The following MPHOSPH8 variants were observed in gnomAD, a reference collection of about 807,000 sequenced individuals.
MPHOSPH8 encodes M-phase phosphoprotein, mpp.
MPHOSPH8 carries 45 observed loss-of-function variants against 87.3 expected under a neutral mutation model. That is an observed-to-expected ratio of 0.52 (90% confidence interval 0.41 to 0.66). The LOEUF (loss-of-function observed/expected upper bound fraction) is 0.66, where lower values mean the gene tolerates loss of function less well. Among genes scored for constraint, MPHOSPH8 ranks in the 30% least tolerant of loss-of-function variants. The probability of loss-of-function intolerance (pLI) is 0.00; values close to 1 mark genes in which losing one functional copy is unlikely to be tolerated. For synonymous variants in MPHOSPH8, 366 were observed against 376.9 expected, an observed-to-expected ratio of 0.97 and a Z score of 0.33; for missense variants, 883 against 1,020.2, an observed-to-expected ratio of 0.87 and a Z score of 1.83.
chr13:19,663,637 A>T (rs1284892408), intron 9 of MPHOSPH8, among the ~76,000 whole-genome samples: 1 of 152,116 alleles, frequency 6.6e-6, no homozygotes, highest in Non-Finnish European at 1.5e-5. Flanking sequence ...TTTTGAGAGA[A>T]AGGTCAGCAG....
At chr13:19,653,446 C>A (rs1874970030) in intron 5 of MPHOSPH8, among the ~76,000 whole-genome samples, 1 of 152,178 alleles carries the variant, frequency 6.6e-6, no homozygotes, top group Admixed American at 6.5e-5. Context: ...TAGATAACTC[C>A]ACAAAGATGG....
chr13:19,671,323 C>T (rs773472999), intron 13 of MPHOSPH8, 34 bp downstream of exon 13: 5 of 1,559,474 alleles, frequency 3.2e-6, no homozygotes, highest in Admixed American at 3.4e-5. Context: ...AGTGTCACTA[C>T]TCAAGTTGTT....
chr13:19,664,027 G>C (rs1057390029), intron 9 of MPHOSPH8, among the ~76,000 whole-genome samples: 1 of 152,050 alleles, frequency 6.6e-6, no homozygotes, highest in Non-Finnish European at 1.5e-5. Flanking sequence ...TCTGTCGCCC[G>C]GGCTGGAGTG....
At position 19,670,350 on chromosome 13, in the gene MPHOSPH8, T is replaced by G. The variant is rs777138474; in HGVS notation, c.2444T>G (p.Leu815Arg). 1 of 1,614,076 alleles carries G rather than the reference T, an allele frequency of 6.2e-7. No homozygotes were observed. The highest frequency in any genetic ancestry group is 8.5e-7 in the Non-Finnish European group (1 of 1,179,934). ...GTAGTTCTGAATGATAAATTTCAGC[T>G]TCCTGTTTTTCTGGTAAGATACTCT... ...QAVVLNDKFQ[L>R]PVFLDSHFVY... is the part of the protein sequence containing the mutation. The change falls in exon 12 of 14, where the codon CTT (leucine) becomes CGT (arginine). Residue 815 changes from leucine (L) to arginine (R), a missense_variant. This residue lies in a region of MPHOSPH8 where 741 missense variants were observed against 841.5 expected (regional missense o/e 0.88). Transcript: ENST00000361479.
rs557975926 is a variant in MPHOSPH8, at chr13:19,646,990, T to C, written c.917T>C (p.Leu306Pro). The change falls in exon 3 of 14, where the codon CTG becomes CCG. Residue 306 changes from leucine to proline, a missense_variant. Leu to Pro is a moderately conservative substitution (Grantham distance 98). This residue lies in a region of MPHOSPH8 where 741 missense variants were observed against 841.5 expected (regional missense o/e 0.88). Coordinates refer to ENST00000361479, the MANE Select transcript of MPHOSPH8 (RefSeq NM_017520.4). ...ARERAGQDMG[L>P]EHGFEKPLDS... ...GAGAGAGCAGGGCAGGACATGGGGC[T>C]GGAGCATGGCTTTGAGAAGCCCCTA... 2.5e-6 allele frequency: 4 copies of C among 1,592,160 alleles called. No homozygotes were observed. Among genetic ancestry groups the C allele is most frequent in the South Asian group, 1.1e-5 (1 of 87,254 alleles).
chr13:19,660,968 C>T (rs1875492608), intron 7 of MPHOSPH8: 1 of 984,412 alleles, frequency 1.0e-6, no homozygotes, highest in Non-Finnish European at 1.2e-6. Context: ...AAAGAAGATA[C>T]AAAAATGAGA....
At chr13:19,636,072 C>CA (rs1373445662) in intron 1 of MPHOSPH8, among the ~76,000 whole-genome samples, 2 of 152,194 alleles carry the variant, frequency 1.3e-5, no homozygotes, top group African/African-American at 4.8e-5. Flanking sequence ...TGAACTGAGT[C>CA]AATTAAGCCT....
At chr13:19,642,530 AG>A (rs755324634) in intron 2 of MPHOSPH8, among the ~76,000 whole-genome samples, 2 of 152,302 alleles carry the variant, frequency 1.3e-5, no homozygotes, top group Admixed American at 6.5e-5. Context: ...GTTAAGAGTA[AG>A]GTCAAGGTGG....
intron 12 of MPHOSPH8, chr13:19,670,727 T>G: frequency 8.6e-7 from 1 of 1,165,434 alleles, no homozygotes; most frequent in Non-Finnish European, 1.1e-6. Flanking sequence ...TTTTAACACT[T>G]GTACTGTATA....
chr13:19,667,123 C>T (rs1179254377), intron 10 of MPHOSPH8, among the ~76,000 whole-genome samples: 1 of 152,224 alleles, frequency 6.6e-6, no homozygotes, highest in Non-Finnish European at 1.5e-5. Context: ...GATCACACCA[C>T]TGCACTCCAG....
Position 19,670,716 on chromosome 13 carries a change from A to C in MPHOSPH8, c.2457+353A>C. On this transcript the variant is annotated intron_variant, in intron 12 of 13. Transcript: ENST00000361479. ...TAAGCAAAATTTGCTAGATATAGACATTTTAACACTTGTACTGTATATTGC... is the reference window on the plus strand; with the variant it reads ...TAAGCAAAATTTGCTAGATATAGACCTTTTAACACTTGTACTGTATATTGC... 3 of 1,135,790 alleles carry C rather than the reference A, an allele frequency of 2.6e-6. No individual in the cohort carries two copies. The South Asian group carries it at 5.1e-5, about 19-fold the overall frequency. The allele number at this position is 1,135,790 out of a possible 1,614,324, so 70.4% of individuals were successfully genotyped here.
At chr13:19,650,728 TAA>T (rs1256733020) in intron 5 of MPHOSPH8, among the ~76,000 whole-genome samples, 4 of 150,184 alleles carry the variant, frequency 2.7e-5, no homozygotes, top group Non-Finnish European at 5.9e-5. Context: ...GGAGGAGTGC[TAA>T]AAAGTGTACA....
chr13:19,664,768 G>A (rs997884025), intron 9 of MPHOSPH8, among the ~76,000 whole-genome samples: 3 of 152,044 alleles, frequency 2.0e-5, no homozygotes, highest in Non-Finnish European at 2.9e-5. Flanking sequence ...GCGTTGGGTC[G>A]TGTAGATGTC....
At chr13:19,643,344 G>A (rs1472381655) in intron 2 of MPHOSPH8, among the ~76,000 whole-genome samples, 3 of 152,210 alleles carry the variant, frequency 2.0e-5, no homozygotes, top group East Asian at 3.9e-4. Flanking sequence ...CTGGGTTCAA[G>A]TGACAATCCT....
In MPHOSPH8 at chr13:19,663,130, A is replaced by T. The variant is rs779880263; in HGVS notation, c.2019+4A>T. The T allele has an allele frequency of 6.2e-7, 1 of 1,610,486 alleles. No homozygotes were observed. The highest frequency in any genetic ancestry group is 8.5e-7 in the Non-Finnish European group (1 of 1,176,786). Reference sequence around the variant, plus strand: ...TGGTGAGACTGCACTGATGAAGGTAAATCCCTCCTGCAGGTCATCCCTTTC... The same window carrying T: ...TGGTGAGACTGCACTGATGAAGGTATATCCCTCCTGCAGGTCATCCCTTTC... On this transcript the variant is annotated splice_donor_region_variant and intron_variant, in intron 9 of 13. Coordinates refer to ENST00000361479, the MANE Select transcript of MPHOSPH8 (RefSeq NM_017520.4).
chr13:19,670,137 C>A, intron 11 of MPHOSPH8, 99 bp from the exon 12 acceptor site: 1 of 1,450,748 alleles, frequency 6.9e-7, no homozygotes, highest in Non-Finnish European at 9.5e-7. Context: ...CCTGTCTGAC[C>A]AGGCCCAGCT....
chr13:19,641,039 C>A (rs1329454456), intron 1 of MPHOSPH8, among the ~76,000 whole-genome samples: 3 of 152,172 alleles, frequency 2.0e-5, no homozygotes, highest in Non-Finnish European at 4.4e-5. Flanking sequence ...TTCTTCCTAT[C>A]TTTTCTATTT....
chr13:19,666,605 G>A (rs757708743), intron 10 of MPHOSPH8, 26 bp downstream of exon 10: 1 of 1,554,050 alleles, frequency 6.4e-7, no homozygotes, highest in South Asian at 1.2e-5. Flanking sequence ...CTGTGCCATA[G>A]TTAAGTCACA....
chr13:19,669,591 C>CTCCG (rs1285336804), intron 11 of MPHOSPH8, among the ~76,000 whole-genome samples: 3 of 151,618 alleles, frequency 2.0e-5, no homozygotes, highest in African/African-American at 7.3e-5. Flanking sequence ...TCACTGCAAC[C>CTCCG]TCCGCCTCCT....
Sources: gnomAD v4.1 joint callset for allele counts (sites outside exome capture counted in the v4.1 genomes callset) on GRCh38, gnomAD v4.1.1 for gene constraint, gnomAD v4.1.1 regional missense constraint, MANE v1.5 for transcripts, NCBI Gene and HGNC (gene_info 2026-07-23, HGNC 2026-07-21) for gene names.